CNTN6: variants seen among roughly 807,000 people sequenced by gnomAD.
CNTN6 encodes the protein contactin-6.
CNTN6 carries 137 observed loss-of-function variants against 122.8 expected under a neutral mutation model. That is an observed-to-expected ratio of 1.12 (90% CI 0.97 to 1.29). The LOEUF (loss-of-function observed/expected upper bound fraction) is 1.29. Among genes scored for constraint, CNTN6 ranks in the 50% most tolerant of loss-of-function variants. The probability of loss-of-function intolerance (pLI) is 0.00; values close to 1 mark genes in which losing one functional copy is unlikely to be tolerated. For missense variants in CNTN6, 1,634 were observed against 1,223.4 expected (o/e 1.34, Z -5.01); for synonymous variants, 570 against 426.0 (o/e 1.34, Z -4.16).
chr3:1,298,628 A>G (rs1465142868), intron 7 of CNTN6, among the ~76,000 whole-genome samples: 1 of 152,124 alleles, frequency 6.6e-6, no homozygotes, highest in Non-Finnish European at 1.5e-5. Context: ...GAGGTATACA[A>G]ATTTCATTTT....
intron 1 of CNTN6, among the ~76,000 whole-genome samples, chr3:1,146,067 G>A (rs2092716506): frequency 6.6e-6 from 1 of 151,684 alleles, no homozygotes; most frequent in Admixed American, 6.6e-5. Context: ...TTCCTTTCTT[G>A]TACTACAAAA....
intron 2 of CNTN6, among the ~76,000 whole-genome samples, chr3:1,154,352 A>G (rs1474315014): frequency 1.3e-5 from 2 of 152,122 alleles, no homozygotes; most frequent in Non-Finnish European, 2.9e-5. Context: ...TAATAACACC[A>G]GGTCATATTT....
At chr3:1,375,759 GC>G (rs202133247) in intron 16 of CNTN6, among the ~76,000 whole-genome samples, 1,916 of 152,066 alleles carry the variant, frequency 0.013, 12 homozygotes, top group Non-Finnish European at 0.017. Context: ...AAATTATGAA[GC>G]TTAAAGCTGA....
At chr3:1,160,722 G>A (rs2093113751) in intron 2 of CNTN6, among the ~76,000 whole-genome samples, 2 of 151,016 alleles carry the variant, frequency 1.3e-5, no homozygotes, top group Non-Finnish European at 2.9e-5. Context: ...AGAATTTGTG[G>A]TAGTGTTTTT....
At chr3:1,349,172 C>T (rs2126064872) in intron 11 of CNTN6, among the ~76,000 whole-genome samples, 1 of 151,916 alleles carries the variant, frequency 6.6e-6, no homozygotes, top group Non-Finnish European at 1.5e-5. Flanking sequence ...CACAAATTTC[C>T]ACACATATTT....
At chr3:1,382,109 A>G (rs1416954899) in intron 17 of CNTN6, among the ~76,000 whole-genome samples, 1 of 144,276 alleles carries the variant, frequency 6.9e-6, no homozygotes, top group Non-Finnish European at 1.6e-5. Context: ...ATTTATTAAA[A>G]AAAAAAAAGC....
intron 5 of CNTN6, among the ~76,000 whole-genome samples, chr3:1,285,852 C>T (rs1559711133): frequency 6.6e-6 from 1 of 152,168 alleles, no homozygotes; most frequent in East Asian, 1.9e-4. Flanking sequence ...GAGTTCTTTA[C>T]TCTACTGGAG....
At chr3:1,165,434 TTGC>T (rs1164592568) in intron 2 of CNTN6, among the ~76,000 whole-genome samples, 99 of 152,238 alleles carry the variant, frequency 6.5e-4, no homozygotes, top group African/African-American at 2.3e-3. Flanking sequence ...TGCTGTCCCT[TTGC>T]TGCAGAACCA....
At chr3:1,204,162 T>C (rs991758246) in intron 2 of CNTN6, among the ~76,000 whole-genome samples, 1 of 152,148 alleles carries the variant, frequency 6.6e-6, no homozygotes, top group Non-Finnish European at 1.5e-5. Flanking sequence ...TTAGTATATA[T>C]AGAGAGAGCC....
chr3:1,096,299 A>T (rs2090524594), intron 1 of CNTN6, among the ~76,000 whole-genome samples: 1 of 151,736 alleles, frequency 6.6e-6, no homozygotes, highest in Admixed American at 6.6e-5. Flanking sequence ...GCTTTTACAG[A>T]ATATTCCTGG....
intron 1 of CNTN6, among the ~76,000 whole-genome samples, chr3:1,112,448 C>A (rs1467636011): frequency 6.6e-6 from 1 of 152,100 alleles, no homozygotes; most frequent in African/African-American, 2.4e-5. Flanking sequence ...CAGTCCAAAG[C>A]CAAAAACCTG....
intron 8 of CNTN6, among the ~76,000 whole-genome samples, chr3:1,324,744 T>C (rs552727811): frequency 6.7e-6 from 1 of 149,746 alleles, no homozygotes; most frequent in Admixed American, 6.6e-5. Flanking sequence ...TTCCTGATGC[T>C]TTTCCCTTGG....
At chr3:1,240,334 A>C (rs1158459138) in intron 4 of CNTN6, among the ~76,000 whole-genome samples, 2 of 152,178 alleles carry the variant, frequency 1.3e-5, no homozygotes, top group African/African-American at 4.8e-5. Flanking sequence ...AGAAAAAAAC[A>C]AACAATCCCA....
At chr3:1,201,427 G>A (rs773062428) in intron 2 of CNTN6, among the ~76,000 whole-genome samples, 1 of 151,832 alleles carries the variant, frequency 6.6e-6, no homozygotes, top group Non-Finnish European at 1.5e-5. Context: ...GTTGAGATTT[G>A]AATCAGATAA....
intron 1 of CNTN6, among the ~76,000 whole-genome samples, chr3:1,120,477 C>T (rs1021421026): frequency 2.6e-5 from 4 of 151,868 alleles, no homozygotes; most frequent in South Asian, 2.1e-4. Flanking sequence ...CCTATTGACT[C>T]TACATATTTT....
At position 1,134,390 on chromosome 3, in the gene CNTN6, T is replaced by C. The variant is rs182144873; in HGVS notation, c.-82-13537T>C. Among the ~76,000 whole-genome samples, 17 of 152,242 alleles carry C rather than the reference T, an allele frequency of 1.1e-4. No homozygotes were observed. The East Asian group carries it at 2.5e-3, about 23-fold the overall frequency. On this transcript the variant is annotated intron_variant, in intron 1 of 22. Transcript: ENST00000446702. ...CAGTGTTCTTTCCACTGAGCTAGTCTCCTACAGTGTGCTCTGTGGAACCTA... is the reference window on the plus strand; with the variant it reads ...CAGTGTTCTTTCCACTGAGCTAGTCCCCTACAGTGTGCTCTGTGGAACCTA...
intron 1 of CNTN6, among the ~76,000 whole-genome samples, chr3:1,103,951 A>C (rs1001455870): frequency 8.5e-5 from 13 of 152,218 alleles, no homozygotes; most frequent in African/African-American, 3.1e-4. Context: ...CTGATAAATA[A>C]TTTAACGTAC....
At chr3:1,346,447 T>C (rs1171607236) in intron 11 of CNTN6, among the ~76,000 whole-genome samples, 2 of 152,148 alleles carry the variant, frequency 1.3e-5, no homozygotes, top group Non-Finnish European at 2.9e-5. Context: ...GATTTGTTCC[T>C]GCTCTCTTGG....
At chr3:1,288,741 T>C (rs1236943688) in intron 5 of CNTN6, among the ~76,000 whole-genome samples, 1 of 152,224 alleles carries the variant, frequency 6.6e-6, no homozygotes, top group African/African-American at 2.4e-5. Flanking sequence ...ACATGCTATA[T>C]AATGGGTATA....
Sources: gnomAD v4.1 joint callset for allele counts (sites outside exome capture counted in the v4.1 genomes callset) on GRCh38, gnomAD v4.1.1 for gene constraint, MANE v1.5 for transcripts, NCBI Gene and HGNC (gene_info 2026-07-23, HGNC 2026-07-21) for gene names.